The following SGK3 variants were observed in gnomAD, a reference collection of about 807,000 sequenced individuals.
SGK3 encodes serine/threonine-protein kinase Sgk3.
A neutral mutation model predicts 68.5 loss-of-function variants in SGK3; 47 were observed. That is an observed-to-expected ratio of 0.69 (90% CI 0.54 to 0.87). The LOEUF (loss-of-function observed/expected upper bound fraction) is 0.87, where lower values mean the gene tolerates loss of function less well. SGK3 is among the 40% of genes least tolerant of loss of function. SGK3 has a pLI of 0.00. For synonymous variants in SGK3, 181 were observed against 189.1 expected, an observed-to-expected ratio of 0.96 and a Z score of 0.35; for missense variants, 479 against 575.5, an observed-to-expected ratio of 0.83 and a Z score of 1.72.
intron 1 of SGK3, chr8:66,767,739 A>T: frequency 6.4e-7 from 1 of 1,555,698 alleles, no homozygotes; most frequent in Non-Finnish European, 8.9e-7. Context: ...TCTTTTTGGC[A>T]GAAAAGCTTG....
intron 4 of SGK3, among the ~76,000 whole-genome samples, chr8:66,810,783 G>C (rs532168577): frequency 2.0e-5 from 3 of 152,246 alleles, no homozygotes; most frequent in Admixed American, 1.3e-4. Context: ...ATGGTTGGTA[G>C]CCATTCTATG....
At chr8:66,751,635 AATCT>A (rs1805820552) in intron 1 of SGK3, among the ~76,000 whole-genome samples, 1 of 152,120 alleles carries the variant, frequency 6.6e-6, no homozygotes, top group Non-Finnish European at 1.5e-5. Flanking sequence ...GGATTTCTTG[AATCT>A]ATCTACACTT....
chr8:66,813,236 AG>A (rs905824247), intron 4 of SGK3, among the ~76,000 whole-genome samples: 3 of 152,262 alleles, frequency 2.0e-5, no homozygotes, highest in African/African-American at 7.2e-5. Flanking sequence ...CCTGGGCAAC[AG>A]AACAAGACTC....
intron 8 of SGK3, among the ~76,000 whole-genome samples, chr8:66,832,389 ACT>A (rs1809338971): frequency 6.6e-6 from 1 of 151,914 alleles, no homozygotes; most frequent in South Asian, 2.1e-4. Context: ...GCTTTTGGTA[ACT>A]CTAGTTTGTT....
At chr8:66,853,951 A>G (rs1304913089) in intron 16 of SGK3, among the ~76,000 whole-genome samples, 1 of 152,242 alleles carries the variant, frequency 6.6e-6, no homozygotes, top group Non-Finnish European at 1.5e-5. Context: ...CGGAACAACC[A>G]ACACAAAACA....
At chr8:66,748,587 C>T (rs989483664) in intron 1 of SGK3, among the ~76,000 whole-genome samples, 1 of 152,140 alleles carries the variant, frequency 6.6e-6, no homozygotes, top group African/African-American at 2.4e-5. Context: ...TCCTCCTGGA[C>T]CTGACCTCGT....
At chr8:66,781,126 T>C (rs570250997) in intron 1 of SGK3, among the ~76,000 whole-genome samples, 9 of 152,166 alleles carry the variant, frequency 5.9e-5, no homozygotes, top group Non-Finnish European at 1.2e-4. Context: ...GCCTGTAAGA[T>C]ATGCTTGGAG....
chr8:66,839,536 TA>T (rs1809698087), intron 10 of SGK3, among the ~76,000 whole-genome samples: 1 of 84,196 alleles, frequency 1.2e-5, no homozygotes, highest in African/African-American at 5.0e-5. Context: ...TATATATATA[TA>T]TATATATATA....
chr8:66,816,933 C>T (rs1808610207), intron 5 of SGK3, among the ~76,000 whole-genome samples: 1 of 152,110 alleles, frequency 6.6e-6, no homozygotes, highest in African/African-American at 2.4e-5. Flanking sequence ...TGGGCTCAAG[C>T]AGTTCTCTCA....
At chr8:66,836,321 A>G (rs1387558894) in intron 10 of SGK3, among the ~76,000 whole-genome samples, 2 of 152,238 alleles carry the variant, frequency 1.3e-5, no homozygotes, top group East Asian at 1.9e-4. Flanking sequence ...CAGGTTTGTC[A>G]CTAAACTGTA....
chr8:66,782,554 A>C (rs1441651019), intron 1 of SGK3, among the ~76,000 whole-genome samples: 1 of 152,162 alleles, frequency 6.6e-6, no homozygotes, highest in African/African-American at 2.4e-5. Context: ...GGTTTGGACA[A>C]ATGTATAATG....
At position 66,804,051 on chromosome 8, in the gene SGK3, T is replaced by C. The variant is rs542166038; in HGVS notation, c.181-324T>C. ...CACGTTCTAGCCTTAGCACTTGCCA[T>C]ACATGATCTCCTTTAAAACTCACAG... On this transcript the variant is annotated intron_variant, in intron 3 of 16. Transcript: ENST00000521198. Among the ~76,000 whole-genome samples, 12 of 152,344 alleles carry C rather than the reference T, an allele frequency of 7.9e-5. No individual in the cohort carries two copies. In the South Asian group the frequency reaches 2.1e-3, roughly 26 times the overall value.
intron 5 of SGK3, among the ~76,000 whole-genome samples, chr8:66,818,866 G>T (rs73693606): frequency 0.025 from 3,755 of 152,154 alleles, 155 homozygotes; most frequent in African/African-American, 0.084. Flanking sequence ...AAATAATATT[G>T]CCATTAGCAT....
intron 1 of SGK3, among the ~76,000 whole-genome samples, chr8:66,753,813 C>T (rs1313318187): frequency 1.3e-5 from 2 of 152,032 alleles, no homozygotes; most frequent in Non-Finnish European, 2.9e-5. Flanking sequence ...GAGCGAAACT[C>T]CCTCTCAAAA....
chr8:66,843,580 A>G (rs111327956), intron 14 of SGK3, 33 bp downstream of exon 14: 12 of 1,581,034 alleles, frequency 7.6e-6, no homozygotes, highest in African/African-American at 6.7e-5. Context: ...ATTCCAATGT[A>G]TTATCATTGA....
chr8:66,788,779 C>A lies in SGK3; in HGVS notation c.-121-4837C>A, dbSNP rs559845062. Among the ~76,000 whole-genome samples the A allele has an allele frequency of 2.2e-4, 33 of 152,296 alleles. No individual in the cohort carries two copies. The South Asian group carries it at 6.0e-3, about 28-fold the overall frequency. On this transcript the variant is annotated intron_variant, in intron 1 of 16. Transcript: ENST00000521198. Reference sequence around the variant, plus strand: ...CCTAGAAGCCATCAGTGTAGTGAATCCCTGAACTTTCATGAGTTTTTTTCC... The same window carrying A: ...CCTAGAAGCCATCAGTGTAGTGAATACCTGAACTTTCATGAGTTTTTTTCC...
intron 16 of SGK3, among the ~76,000 whole-genome samples, chr8:66,858,649 C>T (rs762547566): frequency 6.6e-6 from 1 of 152,202 alleles, no homozygotes; most frequent in Non-Finnish European, 1.5e-5. Context: ...CCTCCCCCAA[C>T]TCAAAAAGAA....
intron 3 of SGK3, 80 bp from the exon 4 acceptor site, chr8:66,804,295 G>A: frequency 8.3e-7 from 1 of 1,204,280 alleles, no homozygotes; most frequent in East Asian, 2.6e-5. Context: ...TTTAAAATAA[G>A]ATTGTATTTG....
At chr8:66,757,908 C>G (rs1461933815) in intron 1 of SGK3, among the ~76,000 whole-genome samples, 1 of 142,750 alleles carries the variant, frequency 7.0e-6, no homozygotes, top group Non-Finnish European at 1.5e-5. Context: ...GAGTAAGACT[C>G]CAGCTTAAAA....
Sources: gnomAD v4.1 joint callset for allele counts (sites outside exome capture counted in the v4.1 genomes callset) on GRCh38, gnomAD v4.1.1 for gene constraint, MANE v1.5 for transcripts, NCBI Gene and HGNC (gene_info 2026-07-23, HGNC 2026-07-21) for gene names.